Variants in CPNE4 observed in about 807,000 individuals in gnomAD.
CPNE4 encodes copine 4, also known as copine-4.
In CPNE4, 25 loss-of-function variants were observed where a neutral mutation model predicts 67.9. The ratio of observed to expected loss-of-function variants is 0.37; its 90% CI spans 0.27 to 0.51. The LOEUF is 0.51. Ranked by LOEUF, CPNE4 falls within the 20% of genes least tolerant of loss-of-function variation. The pLI is 0.93. For missense variants in CPNE4, 464 were observed against 690.8 expected (o/e 0.67, Z 3.68); for synonymous variants, 242 against 244.9 (o/e 0.99, Z 0.11).
intron 1 of CPNE4, among the ~76,000 whole-genome samples, chr3:131,907,529 C>A (rs986356754): frequency 2.6e-5 from 4 of 151,812 alleles, no homozygotes; most frequent in African/African-American, 9.7e-5. Context: ...CTCAATCACA[C>A]CAATAGCATT....
rs184337455 is a variant in CPNE4, at chr3:131,599,899, C to T, written c.682-12317G>A. On this transcript the variant is annotated intron_variant, in intron 7 of 15. Coordinates refer to ENST00000429747, the MANE Select transcript of CPNE4 (RefSeq NM_130808.3). ...TAGGGAGGTGGCTATAAATACAAAG[C>T]CAGCTTTAAAGAGTGTCTTTTCCCC... Among the ~76,000 whole-genome samples the T allele has an allele frequency of 2.6e-5, 4 of 152,242 alleles. No individual in the cohort carries two copies. In the East Asian group the frequency reaches 7.7e-4, roughly 29 times the overall value.
At chr3:131,629,387 T>C (rs1164652026) in intron 7 of CPNE4, among the ~76,000 whole-genome samples, 2 of 133,156 alleles carry the variant, frequency 1.5e-5, no homozygotes, top group East Asian at 4.0e-4. Context: ...TAAGGTATGT[T>C]CATCTTTTTT....
intron 2 of CPNE4, among the ~76,000 whole-genome samples, chr3:131,774,990 G>A (rs1170926246): frequency 6.6e-6 from 1 of 152,006 alleles, no homozygotes; most frequent in Non-Finnish European, 1.5e-5. Flanking sequence ...AAGCAAACAG[G>A]GAGGGAAAAC....
chr3:131,641,436 G>A (rs2079538400), intron 7 of CPNE4, among the ~76,000 whole-genome samples: 1 of 152,056 alleles, frequency 6.6e-6, no homozygotes, highest in Admixed American at 6.6e-5. Flanking sequence ...AAGTATCAGG[G>A]AAATGCAAAT....
intron 2 of CPNE4, among the ~76,000 whole-genome samples, chr3:131,857,098 T>C (rs1172074556): frequency 6.6e-6 from 1 of 152,062 alleles, no homozygotes; most frequent in African/African-American, 2.4e-5. Flanking sequence ...GCTTCAAGGA[T>C]TGTGCAATGA....
At chr3:131,862,327 C>T (rs73203889) in intron 2 of CPNE4, among the ~76,000 whole-genome samples, 4 of 152,218 alleles carry the variant, frequency 2.6e-5, no homozygotes, top group Non-Finnish European at 4.4e-5. Context: ...TGCATATAAG[C>T]GAGACTCCTA....
At position 132,030,081 on chromosome 3, in the gene CPNE4, C is replaced by G. The variant is rs184324740; in HGVS notation, c.-2+4486G>C. Among the ~76,000 whole-genome samples, 928 of 151,850 alleles carry G rather than the reference C, an allele frequency of 6.1e-3. 7 individuals are homozygous for G. Among genetic ancestry groups the G allele is most frequent in the African/African-American group, 0.022 (897 of 41,392 alleles). ...GACAGCAATGTAATAAGTCCCAAGC[C>G]TACTCCTCCTAACACTCTAATGGAG... On this transcript the variant is annotated intron_variant, in intron 1 of 15. Transcript: ENST00000429747.
chr3:131,829,756 T>C (rs2085299276), intron 2 of CPNE4, among the ~76,000 whole-genome samples: 1 of 152,186 alleles, frequency 6.6e-6, no homozygotes, highest in Admixed American at 6.5e-5. Context: ...GGGGAAACAT[T>C]GGTTGGATTA....
At chr3:131,990,188 T>A (rs1254350849) in intron 1 of CPNE4, among the ~76,000 whole-genome samples, 1 of 136,598 alleles carries the variant, frequency 7.3e-6, no homozygotes, top group Non-Finnish European at 1.7e-5. Context: ...ATCTCCAAGA[T>A]AGAAAGATTT....
chr3:131,980,238 G>C (rs1291401300), intron 1 of CPNE4, among the ~76,000 whole-genome samples: 5 of 152,090 alleles, frequency 3.3e-5, no homozygotes, highest in African/African-American at 7.2e-5. Context: ...TGGATGTCTA[G>C]ATCTCTAGCA....
At chr3:131,902,901 T>C (rs1159196504) in intron 2 of CPNE4, among the ~76,000 whole-genome samples, 1 of 152,088 alleles carries the variant, frequency 6.6e-6, no homozygotes, top group Non-Finnish European at 1.5e-5. Context: ...AAGACACCCA[T>C]GAATACTGTT....
At chr3:131,733,902 T>A (rs746616556) in intron 2 of CPNE4, among the ~76,000 whole-genome samples, 2 of 152,212 alleles carry the variant, frequency 1.3e-5, no homozygotes, top group Non-Finnish European at 1.5e-5. Context: ...GGATGCTGCA[T>A]ATGCACCCCA....
chr3:131,863,293 C>A (rs2107673812), intron 2 of CPNE4, among the ~76,000 whole-genome samples: 1 of 152,228 alleles, frequency 6.6e-6, no homozygotes, highest in South Asian at 2.1e-4. Flanking sequence ...CACTGACTTC[C>A]ACAATGGTTG....
chr3:131,952,375 C>G (rs1207641418), intron 1 of CPNE4, among the ~76,000 whole-genome samples: 1 of 150,838 alleles, frequency 6.6e-6, no homozygotes, highest in Admixed American at 6.6e-5. Context: ...GGCAGCCGCC[C>G]CGTCTGAGAA....
At chr3:131,919,270 T>C (rs756042388) in intron 1 of CPNE4, among the ~76,000 whole-genome samples, 1 of 152,150 alleles carries the variant, frequency 6.6e-6, no homozygotes, top group Non-Finnish European at 1.5e-5. Flanking sequence ...TTTCCAATCC[T>C]GAATGAGTAA....
chr3:131,955,413 T>TTTTTTTTTG (rs2071924028), intron 1 of CPNE4, among the ~76,000 whole-genome samples: 1 of 121,784 alleles, frequency 8.2e-6, no homozygotes, highest in African/African-American at 3.5e-5. Flanking sequence ...ATGTAAGGTT[T>TTTTTTTTTG]TTTTTTTTTT....
intron 2 of CPNE4, among the ~76,000 whole-genome samples, chr3:131,807,540 A>G (rs73222330): frequency 0.096 from 14,627 of 152,072 alleles, 849 homozygotes; most frequent in East Asian, 0.17. Context: ...TGTAGTAGTG[A>G]ATGTCCTAGT....
At chr3:131,587,363 T>G (rs1938251439) in intron 8 of CPNE4, 121 bp downstream of exon 8, 1 of 686,086 alleles carries the variant, frequency 1.5e-6, no homozygotes, top group South Asian at 1.7e-5. Flanking sequence ...CCTACCATGC[T>G]CCCTTCTTAT....
At chr3:131,737,718 C>T (rs574539220) in intron 2 of CPNE4, among the ~76,000 whole-genome samples, 3 of 152,044 alleles carry the variant, frequency 2.0e-5, no homozygotes, top group Non-Finnish European at 4.4e-5. Flanking sequence ...CATAATAGCC[C>T]TTCTATGCTG....
Sources: allele counts gnomAD v4.1 joint callset (sites outside exome capture counted in the v4.1 genomes callset), GRCh38; gene constraint gnomAD v4.1.1; transcripts MANE v1.5; gene names NCBI Gene and HGNC (gene_info 2026-07-23, HGNC 2026-07-21).